Variants in NCKAP5 observed in about 807,000 individuals in gnomAD.
The protein encoded by NCKAP5 is NCK associated protein 5, also known as nck-associated protein 5.
In NCKAP5, 92 loss-of-function variants were observed where a neutral mutation model predicts 167.0. That is an observed-to-expected ratio of 0.55 (90% confidence interval 0.47 to 0.66). NCKAP5 has a LOEUF of 0.66. Among genes scored for constraint, NCKAP5 ranks in the 30% least tolerant of loss-of-function variants. The pLI is 0.00. For synonymous variants in NCKAP5, 891 were observed against 877.4 expected (o/e 1.02, Z -0.27); for missense variants, 2,378 against 2,315.0 (o/e 1.03, Z -0.56).
At chr2:133,571,453 G>A (rs1688864811), upstream of NCKAP5, among the ~76,000 whole-genome samples, 2 of 152,152 alleles carry the variant, frequency 1.3e-5, no homozygotes, top group Non-Finnish European at 2.9e-5. Flanking sequence ...CCTGCTGAGT[G>A]TTGTCTCCCC....
intron 3 of NCKAP5, among the ~76,000 whole-genome samples, chr2:133,464,862 C>T (rs1692444759): frequency 1.3e-5 from 2 of 151,726 alleles, no homozygotes; most frequent in South Asian, 4.2e-4. Flanking sequence ...GTCAGACACT[C>T]CTCATCACTT....
At chr2:132,996,918 C>A (rs180855796) in intron 6 of NCKAP5, among the ~76,000 whole-genome samples, 2 of 152,174 alleles carry the variant, frequency 1.3e-5, no homozygotes, top group Non-Finnish European at 2.9e-5. Context: ...GCCCTGAACA[C>A]GATGCTCTCT....
intron 6 of NCKAP5, among the ~76,000 whole-genome samples, chr2:133,087,664 T>C (rs1404520671): frequency 6.6e-6 from 1 of 152,232 alleles, no homozygotes. Context: ...CTACTGTTAA[T>C]AGCTCTGCAA....
intron 3 of NCKAP5, among the ~76,000 whole-genome samples, chr2:133,447,573 T>TCTTCCTTTCCCCTTCCGTTCC (rs1559491808): frequency 8.9e-6 from 1 of 112,992 alleles, no homozygotes; most frequent in East Asian, 3.4e-4. Context: ...CCCTCCCTTC[T>TCTTCCTTTCCCCTTCCGTTCC]CTTCCTTTCC....
At chr2:133,658,155 C>T in the NCKAP5 span, among the ~76,000 whole-genome samples, 1 of 145,134 alleles carries the variant, frequency 6.9e-6, no homozygotes, top group Admixed American at 7.0e-5. Context: ...GCGAACACAT[C>T]CTGGGCATCC....
At chr2:133,249,305 G>A (rs2088176964) in intron 4 of NCKAP5, among the ~76,000 whole-genome samples, 1 of 152,182 alleles carries the variant, frequency 6.6e-6, no homozygotes, top group Non-Finnish European at 1.5e-5. Context: ...AGAAAGAGAT[G>A]TGAGGATGGA....
At chr2:133,047,094 A>T (rs946349942) in intron 6 of NCKAP5, among the ~76,000 whole-genome samples, 1 of 152,052 alleles carries the variant, frequency 6.6e-6, no homozygotes, top group African/African-American at 2.4e-5. Context: ...ATTCAATGAC[A>T]TTTTTTTCTG....
rs142511683 is a variant in NCKAP5 at position 133,491,796 on chromosome 2, C to T, written c.69+25662G>A. On this transcript the variant is annotated intron_variant, in intron 3 of 19. Coordinates refer to ENST00000409261, the MANE Select transcript of NCKAP5 (RefSeq NM_207363.3). ...GCAGAGCTGAGATGGAGGCAAGAGACAGTAGTCACTTCCCGCAGAGACCGT... is the reference window on the plus strand; with the variant it reads ...GCAGAGCTGAGATGGAGGCAAGAGATAGTAGTCACTTCCCGCAGAGACCGT... 9.5e-4 allele frequency among the ~76,000 whole-genome samples: 144 copies of T among 152,294 alleles called. 1 individual carries two copies. The highest frequency in any genetic ancestry group is 2.8e-3 in the African/African-American group (118 of 41,584).
intron 6 of NCKAP5, among the ~76,000 whole-genome samples, chr2:133,107,368 T>C (rs562734460): frequency 6.6e-6 from 1 of 152,336 alleles, no homozygotes; most frequent in African/African-American, 2.4e-5. Context: ...TGTAAAGTTG[T>C]AAGACTTAGT....
At chr2:132,732,264 G>A (rs1168554617) in intron 16 of NCKAP5, among the ~76,000 whole-genome samples, 7 of 136,302 alleles carry the variant, frequency 5.1e-5, no homozygotes, top group African/African-American at 1.6e-4. Context: ...GACACAGGGT[G>A]GGGAACATCA....
intron 19 of NCKAP5, among the ~76,000 whole-genome samples, chr2:132,685,742 T>C (rs1344874278): frequency 6.6e-6 from 1 of 152,212 alleles, no homozygotes; most frequent in Non-Finnish European, 1.5e-5. Flanking sequence ...AAGCAAGGTT[T>C]CGCAGAGTAG....
intron 3 of NCKAP5, among the ~76,000 whole-genome samples, chr2:133,356,729 A>G (rs1047509687): frequency 6.6e-6 from 1 of 152,250 alleles, no homozygotes; most frequent in African/African-American, 2.4e-5. Flanking sequence ...CAGGAGTTAA[A>G]GCTAAATACT....
the NCKAP5 span, among the ~76,000 whole-genome samples, chr2:133,625,475 TG>T: frequency 6.6e-6 from 1 of 152,024 alleles, no homozygotes; most frequent in African/African-American, 2.4e-5. Context: ...GAGGTGTACA[TG>T]GGGGGCCTGG....
intron 4 of NCKAP5, among the ~76,000 whole-genome samples, chr2:133,273,179 C>T (rs2089589828): frequency 6.6e-6 from 1 of 152,098 alleles, no homozygotes; most frequent in Non-Finnish European, 1.5e-5. Context: ...AATGTCTCAG[C>T]GTTCTAATGT....
chr2:133,212,095 T>A (rs1290852955), intron 5 of NCKAP5, among the ~76,000 whole-genome samples: 2 of 152,196 alleles, frequency 1.3e-5, no homozygotes, highest in African/African-American at 4.8e-5. Context: ...TCCACTAAGT[T>A]AAAGGAATCA....
intron 11 of NCKAP5, among the ~76,000 whole-genome samples, chr2:132,826,993 G>A (rs1458432411): frequency 6.6e-6 from 1 of 152,134 alleles, no homozygotes; most frequent in East Asian, 1.9e-4. Flanking sequence ...GACACTCTAG[G>A]TATCGACAGA....
chr2:133,578,246 C>T, the NCKAP5 span, among the ~76,000 whole-genome samples: 1 of 152,162 alleles, frequency 6.6e-6, no homozygotes, highest in Non-Finnish European at 1.5e-5. Context: ...TCTTGCCACC[C>T]TCCCTTTCTT....
Position 132,932,761 on chromosome 2 carries a change from A to T in NCKAP5, c.579+30959T>A, listed in dbSNP as rs78810426. Among the ~76,000 whole-genome samples, 1,421 of 152,274 alleles carry T rather than the reference A, an allele frequency of 9.3e-3. 19 individuals carry two copies. The highest frequency in any genetic ancestry group is 0.043 in the East Asian group (221 of 5,180). Reference sequence around the variant, plus strand: ...CTTAAAGAACACATAGAAAAAAACAAGGTCATGCAACCATCCCTAGGAAGT... The same window carrying T: ...CTTAAAGAACACATAGAAAAAAACATGGTCATGCAACCATCCCTAGGAAGT... On this transcript the variant is annotated intron_variant, in intron 8 of 19. Transcript: ENST00000409261.
intron 6 of NCKAP5, among the ~76,000 whole-genome samples, chr2:133,000,108 A>C (rs2077729658): frequency 6.6e-6 from 1 of 152,170 alleles, no homozygotes; most frequent in Non-Finnish European, 1.5e-5. Context: ...AGAGGGTGCA[A>C]GAAGTGCCCG....
Sources: allele counts gnomAD v4.1 joint callset (sites outside exome capture counted in the v4.1 genomes callset), GRCh38; gene constraint gnomAD v4.1.1; transcripts MANE v1.5; gene names NCBI Gene and HGNC (gene_info 2026-07-23, HGNC 2026-07-21).